The following AGBL3 variants were observed in gnomAD, a reference collection of about 807,000 sequenced individuals.
The protein encoded by AGBL3 is cytosolic carboxypeptidase 3.
In AGBL3, 68 loss-of-function variants were observed where a neutral mutation model predicts 94.5. The ratio of observed to expected loss-of-function variants is 0.72; its 90% confidence interval spans 0.59 to 0.88. AGBL3 has a LOEUF of 0.88. Among genes scored for constraint, AGBL3 ranks in the 40% least tolerant of loss-of-function variants. AGBL3 has a pLI of 0.00. For synonymous variants in AGBL3, 354 were observed against 370.7 expected (o/e 0.95, Z 0.52); for missense variants, 934 against 1,103.8 (o/e 0.85, Z 2.18).
intron 2 of AGBL3, 116 bp downstream of exon 2, chr7:134,988,112 G>T: frequency 5.0e-6 from 4 of 806,580 alleles, no homozygotes; most frequent in Non-Finnish European, 7.6e-6. Flanking sequence ...TTAAATTATT[G>T]TCATTGAAGT....
At chr7:135,095,908 T>C (rs569789110) in intron 15 of AGBL3, among the ~76,000 whole-genome samples, 1 of 152,264 alleles carries the variant, frequency 6.6e-6, no homozygotes, top group African/African-American at 2.4e-5. Context: ...TCCCAGCACT[T>C]TGGGAGGCTG....
chr7:134,995,537 C>T (rs1810902059), intron 4 of AGBL3: 1 of 152,174 alleles, frequency 6.6e-6, no homozygotes, highest in African/African-American at 2.4e-5. Flanking sequence ...CAGATGTGGG[C>T]AGCTGTGTTT....
At chr7:135,048,033 C>T (rs1409015506) in intron 11 of AGBL3, among the ~76,000 whole-genome samples, 4 of 151,952 alleles carry the variant, frequency 2.6e-5, no homozygotes, top group African/African-American at 9.6e-5. Flanking sequence ...TTTGAGTTGA[C>T]TTTTTTATAT....
chr7:135,015,616 T>G (rs1323743487), intron 4 of AGBL3, among the ~76,000 whole-genome samples: 1 of 149,006 alleles, frequency 6.7e-6, no homozygotes, highest in Admixed American at 6.7e-5. Flanking sequence ...TAGGGTTTCA[T>G]GGTTCTTTAC....
Position 135,067,516 on chromosome 7 carries a change from G to A in AGBL3, c.1908+8281G>A, listed in dbSNP as rs964856405. Among the ~76,000 whole-genome samples the A allele has an allele frequency of 1.4e-4, 22 of 152,236 alleles. 1 individual carries two copies. Among genetic ancestry groups the A allele is most frequent in the Admixed American group, 3.3e-4 (5 of 15,288 alleles). ...GTAGGGGCAGACTGACACCTCACAC[G>A]GCCCGGTACTCCTCTGAGACAAAAC... On this transcript the variant is annotated intron_variant, in intron 12 of 16. Transcript: ENST00000436302.
At chr7:134,998,905 C>A (rs1157512327) in intron 4 of AGBL3, among the ~76,000 whole-genome samples, 1 of 152,184 alleles carries the variant, frequency 6.6e-6, no homozygotes, top group Non-Finnish European at 1.5e-5. Context: ...TCTATCCCTT[C>A]TCCAGATCCA....
At chr7:135,051,389 C>T (rs7801653) in intron 11 of AGBL3, among the ~76,000 whole-genome samples, 73,937 of 151,778 alleles carry the variant, frequency 0.49, 18,368 homozygotes, top group South Asian at 0.66. Context: ...CTCAACAATA[C>T]AAGACCAATT....
intron 15 of AGBL3, among the ~76,000 whole-genome samples, chr7:135,090,233 A>G (rs1821661387): frequency 6.6e-6 from 1 of 152,144 alleles, no homozygotes; most frequent in Non-Finnish European, 1.5e-5. Context: ...GGCCAGGTGC[A>G]TTGGCAGCAA....
intron 5 of AGBL3, among the ~76,000 whole-genome samples, chr7:135,026,185 T>A (rs146873089): frequency 6.8e-6 from 1 of 146,958 alleles, no homozygotes; most frequent in African/African-American, 2.5e-5. Flanking sequence ...TTAAAAAAAA[T>A]TGAAATCACC....
intron 4 of AGBL3, among the ~76,000 whole-genome samples, chr7:135,008,622 A>AC (rs1400874273): frequency 6.6e-6 from 1 of 151,348 alleles, no homozygotes; most frequent in Non-Finnish European, 1.5e-5. Flanking sequence ...ACAACTGAAA[A>AC]AAAAAAAAAT....
intron 4 of AGBL3, among the ~76,000 whole-genome samples, chr7:135,015,526 A>C (rs1023822734): frequency 2.6e-5 from 4 of 152,146 alleles, no homozygotes; most frequent in Non-Finnish European, 5.9e-5. Flanking sequence ...CTGATTCTCA[A>C]AACATGGCTC....
At chr7:135,022,897 C>T (rs1354753341) in intron 5 of AGBL3, among the ~76,000 whole-genome samples, 1 of 151,952 alleles carries the variant, frequency 6.6e-6, no homozygotes. Context: ...TTGCTTTATT[C>T]CATCTGTTAT....
At chr7:135,025,141 A>G (rs1814947332) in intron 5 of AGBL3, among the ~76,000 whole-genome samples, 1 of 151,564 alleles carries the variant, frequency 6.6e-6, no homozygotes, top group Non-Finnish European at 1.5e-5. Context: ...GATATTATAC[A>G]AGATGACCAT....
chr7:135,026,838 G>C (rs1017418882), intron 5 of AGBL3, among the ~76,000 whole-genome samples: 1 of 151,320 alleles, frequency 6.6e-6, no homozygotes, highest in African/African-American at 2.4e-5. Context: ...TCTGCATTTC[G>C]TGTATTTGCA....
intron 16 of AGBL3, among the ~76,000 whole-genome samples, chr7:135,131,590 G>A (rs1426183987): frequency 3.3e-5 from 5 of 151,886 alleles, no homozygotes; most frequent in Non-Finnish European, 7.4e-5. Flanking sequence ...AACTGCATAT[G>A]CTAAAAAATG....
Position 135,058,668 on chromosome 7 carries a change from T to C in AGBL3, c.1842-501T>C, listed in dbSNP as rs1818547340. Among the ~76,000 whole-genome samples the C allele has an allele frequency of 3.3e-5, 5 of 152,146 alleles. No homozygotes were observed. In the South Asian group the frequency reaches 8.3e-4, roughly 25 times the overall value. On this transcript the variant is annotated intron_variant, in intron 11 of 16. Transcript: ENST00000436302. Reference sequence around the variant, plus strand: ...CTGGAGCTTACATTCCATTAACACATTCCCAAACCTTTATATCTTTCCACA... The same window carrying C: ...CTGGAGCTTACATTCCATTAACACACTCCCAAACCTTTATATCTTTCCACA...
rs186019435 is a variant in AGBL3, at chr7:135,025,570, G to A, written c.419-7274G>A. The stretch of plus-strand genomic sequence containing the variant: ...GCAACCAGCTAATAACATGATGACA[G>A]GATTAAAATCGCATATATTAATACC... On this transcript the variant is annotated intron_variant, in intron 5 of 16. Transcript: ENST00000436302. 5.9e-5 allele frequency among the ~76,000 whole-genome samples: 9 copies of A among 151,662 alleles called. No homozygotes were observed. The East Asian group carries it at 1.4e-3, about 24-fold the overall frequency.
At chr7:135,081,135 A>G (rs1820889207) in intron 14 of AGBL3, among the ~76,000 whole-genome samples, 1 of 152,034 alleles carries the variant, frequency 6.6e-6, no homozygotes, top group Non-Finnish European at 1.5e-5. Flanking sequence ...GGCTTTTTAT[A>G]AGTAACTTTT....
At chr7:135,014,852 T>C (rs1813581641) in intron 4 of AGBL3, among the ~76,000 whole-genome samples, 1 of 152,208 alleles carries the variant, frequency 6.6e-6, no homozygotes, top group Non-Finnish European at 1.5e-5. Context: ...GAACATGACT[T>C]TGACTAAAGG....
Sources: gnomAD v4.1 joint callset for allele counts (sites outside exome capture counted in the v4.1 genomes callset) on GRCh38, gnomAD v4.1.1 for gene constraint, MANE v1.5 for transcripts, NCBI Gene and HGNC (gene_info 2026-07-23, HGNC 2026-07-21) for gene names.